Variants in CNTNAP2 observed in about 807,000 individuals in gnomAD.
CNTNAP2 encodes the protein contactin-associated protein-like 2.
A neutral mutation model predicts 155.2 loss-of-function variants in CNTNAP2; 98 were observed. The observed-to-expected ratio is 0.63, with a 90% confidence interval of 0.54 to 0.75. The LOEUF (loss-of-function observed/expected upper bound fraction) is 0.75. Among genes scored for constraint, CNTNAP2 ranks in the 30% least tolerant of loss-of-function variants. CNTNAP2 has a pLI of 0.00. For synonymous variants in CNTNAP2, 651 were observed against 631.2 expected, an observed-to-expected ratio of 1.03 and a Z score of -0.47; for missense variants, 1,727 against 1,688.1, an observed-to-expected ratio of 1.02 and a Z score of -0.40.
intron 8 of CNTNAP2, 113 bp from the exon 9 acceptor site, chr7:147,300,028 A>G (rs1267212041): frequency 7.3e-5 from 86 of 1,182,968 alleles, no homozygotes; most frequent in Non-Finnish European, 9.6e-5. Context: ...GCAGCACTGT[A>G]TTTTCCAAGA....
chr7:147,802,727 T>A, intron 13 of CNTNAP2, among the ~76,000 whole-genome samples: 1 of 140,302 alleles, frequency 7.1e-6, no homozygotes, highest in East Asian at 2.1e-4. Context: ...ATGGCAGCAG[T>A]ACAGTCCAGC....
chr7:147,042,828 C>T (rs1799285380), intron 3 of CNTNAP2, among the ~76,000 whole-genome samples: 1 of 151,928 alleles, frequency 6.6e-6, no homozygotes, highest in Admixed American at 6.6e-5. Flanking sequence ...GCTAAAACCT[C>T]AAGTTATCTA....
intron 1 of CNTNAP2, among the ~76,000 whole-genome samples, chr7:146,600,193 C>T (rs1482795929): frequency 6.6e-6 from 1 of 152,068 alleles, no homozygotes; most frequent in African/African-American, 2.4e-5. Flanking sequence ...AAAATGAAGG[C>T]TAATCCTAGG....
intron 13 of CNTNAP2, among the ~76,000 whole-genome samples, chr7:147,784,635 G>A (rs149403194): frequency 0.012 from 1,763 of 144,752 alleles, 28 homozygotes; most frequent in African/African-American, 0.041. Flanking sequence ...TTAGGAGGAT[G>A]GGAAACCACT....
chr7:147,738,748 G>T lies in CNTNAP2; in HGVS notation c.2098+99442G>T, dbSNP rs1389116531. Among the ~76,000 whole-genome samples, 3 of 151,154 alleles carry T rather than the reference G, an allele frequency of 2.0e-5. No individual in the cohort carries two copies. The East Asian group carries it at 5.9e-4, about 30-fold the overall frequency. ...TGGGTCACTGCAACTTCTGCCTCCT[G>T]GGTTCAGGTGATTCTCCTGCCTTAG... is the stretch of plus-strand genomic sequence containing the variant. On this transcript the variant is annotated intron_variant, in intron 13 of 23. Coordinates refer to ENST00000361727, the MANE Select transcript of CNTNAP2 (RefSeq NM_014141.6).
At chr7:147,568,703 T>C (rs1172521676) in intron 12 of CNTNAP2, among the ~76,000 whole-genome samples, 1 of 152,204 alleles carries the variant, frequency 6.6e-6, no homozygotes, top group African/African-American at 2.4e-5. Context: ...TGTATATTTC[T>C]AACATTTCAG....
chr7:147,350,688 A>G (rs1427619082), intron 9 of CNTNAP2, among the ~76,000 whole-genome samples: 1 of 151,788 alleles, frequency 6.6e-6, no homozygotes, highest in Non-Finnish European at 1.5e-5. Context: ...ATTGTATAAA[A>G]TATGCATTCA....
intron 13 of CNTNAP2, among the ~76,000 whole-genome samples, chr7:147,668,060 G>A (rs1795727267): frequency 6.6e-6 from 1 of 152,148 alleles, no homozygotes; most frequent in African/African-American, 2.4e-5. Context: ...GTGTGGATGA[G>A]GATGACATCG....
intron 2 of CNTNAP2, among the ~76,000 whole-genome samples, chr7:146,829,720 G>A (rs1355170634): frequency 6.6e-6 from 1 of 151,994 alleles, no homozygotes; most frequent in African/African-American, 2.4e-5. Flanking sequence ...TTGAAGAGTG[G>A]AAGATGGAAT....
At chr7:146,518,657 G>A (rs1013848897) in intron 1 of CNTNAP2, among the ~76,000 whole-genome samples, 7 of 151,780 alleles carry the variant, frequency 4.6e-5, no homozygotes, top group Non-Finnish European at 8.8e-5. Flanking sequence ...TTGATCATGA[G>A]TAGGAGCATA....
At chr7:146,140,797 A>G (rs989280743) in intron 1 of CNTNAP2, among the ~76,000 whole-genome samples, 1 of 152,144 alleles carries the variant, frequency 6.6e-6, no homozygotes, top group Non-Finnish European at 1.5e-5. Flanking sequence ...AGAGATTTTC[A>G]TAGCGGAAAC....
chr7:147,518,041 C>T (rs1189606884), intron 11 of CNTNAP2, among the ~76,000 whole-genome samples: 1 of 152,144 alleles, frequency 6.6e-6, no homozygotes. Context: ...GAGTGATCCT[C>T]CCACCTCACC....
At chr7:146,544,069 G>A (rs1175506970) in intron 1 of CNTNAP2, among the ~76,000 whole-genome samples, 5 of 151,892 alleles carry the variant, frequency 3.3e-5, no homozygotes, top group Non-Finnish European at 7.4e-5. Context: ...CATAAAATTA[G>A]TTTAAAAATT....
At chr7:146,737,586 G>A (rs1019446902) in intron 1 of CNTNAP2, among the ~76,000 whole-genome samples, 2 of 151,998 alleles carry the variant, frequency 1.3e-5, no homozygotes, top group Non-Finnish European at 1.5e-5. Flanking sequence ...CTTATTATAC[G>A]CTTATAACTT....
At chr7:147,842,581 A>ATTTTTTTTTTTT in intron 13 of CNTNAP2, among the ~76,000 whole-genome samples, 1 of 56,556 alleles carries the variant, frequency 1.8e-5, no homozygotes, top group Non-Finnish European at 3.4e-5. Flanking sequence ...TTTACTTTTT[A>ATTTTTTTTTTTT]CTTTTCTTTT....
chr7:148,217,545 C>A, intron 19 of CNTNAP2, 21 bp downstream of exon 19: 1 of 1,607,020 alleles, frequency 6.2e-7, no homozygotes, highest in South Asian at 1.1e-5. Context: ...GGATACCCAG[C>A]CTCTGCCATT....
chr7:146,223,535 G>T (rs993395157), intron 1 of CNTNAP2, among the ~76,000 whole-genome samples: 1 of 152,122 alleles, frequency 6.6e-6, no homozygotes, highest in Non-Finnish European at 1.5e-5. Context: ...TGAGAATGAG[G>T]AGTTTGATTT....
intron 1 of CNTNAP2, among the ~76,000 whole-genome samples, chr7:146,710,528 T>C (rs1801045602): frequency 6.6e-6 from 1 of 152,180 alleles, no homozygotes; most frequent in Admixed American, 6.5e-5. Flanking sequence ...GTTTTGTCAT[T>C]ATTTCTCATT....
intron 3 of CNTNAP2, among the ~76,000 whole-genome samples, chr7:146,901,162 A>C (rs942349272): frequency 6.6e-6 from 1 of 152,096 alleles, no homozygotes; most frequent in African/African-American, 2.4e-5. Context: ...CTTAATGCAA[A>C]CAGCAGCTAC....
Sources: gnomAD v4.1 joint callset for allele counts (sites outside exome capture counted in the v4.1 genomes callset) on GRCh38, gnomAD v4.1.1 for gene constraint, MANE v1.5 for transcripts, NCBI Gene and HGNC (gene_info 2026-07-23, HGNC 2026-07-21) for gene names.